Variants in SLC22A25 observed in about 807,000 individuals in gnomAD.
SLC22A25 encodes MGI:2442751, MGI:2385316, MGI:3042283, MGI:3645714, MGI:3605624, MGI:2442750.
In SLC22A25, 44 loss-of-function variants were observed where a neutral mutation model predicts 45.9. That is an observed-to-expected ratio of 0.96 (90% CI 0.75 to 1.23). The LOEUF is 1.23. Ranked by LOEUF, SLC22A25 falls within the 50% of genes most tolerant of loss-of-function variation. The pLI is 0.00. For synonymous variants in SLC22A25, 283 were observed against 238.6 expected, an observed-to-expected ratio of 1.19 and a Z score of -1.72; for missense variants, 800 against 666.4, an observed-to-expected ratio of 1.20 and a Z score of -2.21.
chr11:63,166,177 G>C lies in SLC22A25; in HGVS notation c.1152C>G (p.Leu384=). The C allele has an allele frequency of 6.8e-6, 11 of 1,614,052 alleles. No homozygotes were observed. Among genetic ancestry groups the C allele is most frequent in the Non-Finnish European group, 8.5e-6 (10 of 1,179,952 alleles). ...TGGCCAGGAGGGTGACTGCACCAAA[G>C]AGAGTCTGCAACAGGAAAACATTGT... is the stretch of plus-strand genomic sequence containing the variant. ...LGNNVFLLQT[L]FGAVTLLANC... is the part of the protein sequence containing the mutation. The change falls in exon 10 of 12, where the codon CTC becomes CTG. Residue 384 remains leucine, a synonymous_variant. Coordinates refer to ENST00000306494, the MANE Select transcript of SLC22A25 (RefSeq NM_199352.6).
chr11:63,228,050 C>G (rs1261249567), intron 5 of SLC22A25, among the ~76,000 whole-genome samples: 3 of 152,216 alleles, frequency 2.0e-5, no homozygotes, highest in African/African-American at 7.2e-5. Context: ...TTTCCTACCC[C>G]CTTCAATGAA....
At chr11:63,166,940 G>T in intron 9 of SLC22A25, 1 of 802,700 alleles carries the variant, frequency 1.2e-6, no homozygotes, top group East Asian at 1.3e-4. Flanking sequence ...AGAGCAATGC[G>T]GAAGGTGAGT....
intron 5 of SLC22A25, chr11:63,220,100 T>C: frequency 1.0e-6 from 1 of 968,386 alleles, no homozygotes; most frequent in South Asian, 1.3e-5. Context: ...ATATTGTCCT[T>C]AGATTACTTA....
At chr11:63,183,595 C>G (rs2088407005) in intron 8 of SLC22A25, 99 bp downstream of exon 8, 13 of 1,499,838 alleles carry the variant, frequency 8.7e-6, no homozygotes, top group Admixed American at 3.5e-5. Flanking sequence ...CATAACTCTA[C>G]CTGTGTTTCT....
chr11:63,185,057 A>G (rs1040051950), intron 7 of SLC22A25, among the ~76,000 whole-genome samples: 7 of 152,200 alleles, frequency 4.6e-5, no homozygotes, highest in African/African-American at 9.6e-5. Context: ...AAAATATCAT[A>G]GAGTAGAACG....
At position 63,159,359 on chromosome 11, in the gene SLC22A25, T is replaced by C. The variant is rs914166375; in HGVS notation, c.*4465A>G. Among the ~76,000 whole-genome samples, 3 of 152,096 alleles carry C rather than the reference T, an allele frequency of 2.0e-5. No homozygotes were observed. The highest frequency in any genetic ancestry group is 4.4e-5 in the Non-Finnish European group (3 of 67,996). ...CCCACCTGTCATGGGAGGGAGCCTG[T>C]GGGAGGTAATTGAATCATGGGGCCA... is the stretch of plus-strand genomic sequence containing the variant. On this transcript the variant is annotated 3_prime_UTR_variant, in exon 12 of 12. Coordinates refer to ENST00000306494, the MANE Select transcript of SLC22A25 (RefSeq NM_199352.6).
chr11:63,163,829 G>A lies in SLC22A25; in HGVS notation c.1639C>T (p.Leu547=), dbSNP rs145239629. Residue 547 remains leucine, a synonymous_variant, in exon 12 of 12, where the codon CTA becomes TTA. Transcript: ENST00000306494. The part of the protein sequence containing the change: ...SLAAPQRSSV[L] ...TTGCTTTCCTCAGCACAGACCTATAGCACAGAGCTCCTCTGAGGGGCAGCT... is the reference window on the plus strand; with the variant it reads ...TTGCTTTCCTCAGCACAGACCTATAACACAGAGCTCCTCTGAGGGGCAGCT... 6 of 1,612,334 alleles carry A rather than the reference G, an allele frequency of 3.7e-6. No individual in the cohort carries two copies. The highest frequency in any genetic ancestry group is 5.1e-6 in the Non-Finnish European group (6 of 1,179,164).
rs2087561914 is a variant in SLC22A25, at chr11:63,163,039, T to C, written c.*785A>G. ...AGACATGGACTAAACATATAAGTCC[T>C]GCATTCTTTAGGACATACTGATTCT... On this transcript the variant is annotated 3_prime_UTR_variant, in exon 12 of 12. Coordinates refer to ENST00000306494, the MANE Select transcript of SLC22A25 (RefSeq NM_199352.6). 6.6e-6 allele frequency among the ~76,000 whole-genome samples: 1 copy of C among 152,184 alleles called. No individual in the cohort carries two copies. The highest frequency in any genetic ancestry group is 2.1e-4 in the South Asian group (1 of 4,834).
chr11:63,236,109 C>T (rs998944960), intron 3 of SLC22A25, among the ~76,000 whole-genome samples: 9 of 152,216 alleles, frequency 5.9e-5, no homozygotes, highest in Non-Finnish European at 1.0e-4. Context: ...CTTGAGGAGG[C>T]AGTCTGCCTG....
At chr11:63,214,820 G>T in intron 7 of SLC22A25, among the ~76,000 whole-genome samples, 1 of 151,526 alleles carries the variant, frequency 6.6e-6, no homozygotes, top group East Asian at 1.9e-4. Context: ...CTGGGCCAGT[G>T]CACCTAAATA....
chr11:63,175,821 G>A (rs1199451803), intron 9 of SLC22A25, among the ~76,000 whole-genome samples: 2 of 149,508 alleles, frequency 1.3e-5, no homozygotes, highest in African/African-American at 5.1e-5. Flanking sequence ...AGAAAATTGG[G>A]TGTGTATATA....
In SLC22A25 at chr11:63,217,679, G is replaced by A; in HGVS notation, c.563C>T (p.Thr188Ile). ...GATGGTGGGAGCAAAGGCCGCACAG[G>A]TGCCTACAATGGCGAGCTGGAGGTA... is the stretch of plus-strand genomic sequence containing the variant. ...WSYLQLAIVG[T>I]CAAFAPTILV... Residue 188 changes from threonine to isoleucine, a missense_variant, in exon 6 of 12, where the codon ACC becomes ATC. By Grantham distance (89) the Thr-to-Ile change is moderately conservative. Transcript: ENST00000306494. 2 of 1,613,912 alleles carry A rather than the reference G, an allele frequency of 1.2e-6. No individual in the cohort carries two copies. The highest frequency in any genetic ancestry group is 1.3e-5 in the African/African-American group (1 of 75,038).
intron 3 of SLC22A25, among the ~76,000 whole-genome samples, chr11:63,234,249 C>T (rs1380592004): frequency 6.6e-6 from 1 of 152,076 alleles, no homozygotes; most frequent in Non-Finnish European, 1.5e-5. Flanking sequence ...TTAAAGTCTC[C>T]CATTATTATT....
At chr11:63,186,642 C>T (rs1300408000) in intron 7 of SLC22A25, among the ~76,000 whole-genome samples, 3,256 of 150,578 alleles carry the variant, frequency 0.022, 123 homozygotes, top group African/African-American at 0.075. Flanking sequence ...TGAATGGTAT[C>T]GCCTAGGTTT....
chr11:63,211,314 T>C (rs543792294), intron 7 of SLC22A25, among the ~76,000 whole-genome samples: 2 of 152,262 alleles, frequency 1.3e-5, no homozygotes, highest in East Asian at 3.9e-4. Context: ...CTGCTGCCCA[T>C]GAGCAAGCCA....
chr11:63,229,686 A>G lies in SLC22A25; in HGVS notation c.-34T>C, dbSNP rs763721927. 4 of 1,577,912 alleles carry G rather than the reference A, an allele frequency of 2.5e-6. No homozygotes were observed. In the South Asian group the frequency reaches 4.5e-5, roughly 18 times the overall value. On this transcript the variant is annotated 5_prime_UTR_variant, in exon 4 of 12. Transcript: ENST00000306494. ...GACAAGTGATCCCCAAGAGGAGACA[A>G]AATGACTGTATCCAGATAAGTTCAA...
chr11:63,179,535 T>G (rs2088243576), intron 9 of SLC22A25, among the ~76,000 whole-genome samples: 1 of 152,126 alleles, frequency 6.6e-6, no homozygotes, highest in African/African-American at 2.4e-5. Flanking sequence ...TTTCAGGAAC[T>G]GGCAATCTCT....
At chr11:63,192,150 C>A (rs7931060) in intron 7 of SLC22A25, among the ~76,000 whole-genome samples, 3,303 of 152,154 alleles carry the variant, frequency 0.022, 120 homozygotes, top group African/African-American at 0.075. Context: ...AGATGAAACC[C>A]CCTACAAGCC....
intron 7 of SLC22A25, among the ~76,000 whole-genome samples, chr11:63,205,160 CAG>C (rs1482843561): frequency 1.3e-5 from 2 of 152,110 alleles, no homozygotes; most frequent in African/African-American, 4.8e-5. Context: ...ACATTTAAAA[CAG>C]TGTTTAGAGG....
Sources: gnomAD v4.1 joint callset for allele counts (sites outside exome capture counted in the v4.1 genomes callset) on GRCh38, gnomAD v4.1.1 for gene constraint, MANE v1.5 for transcripts, NCBI Gene and HGNC (gene_info 2026-07-23, HGNC 2026-07-21) for gene names.